Variants in RAB22A observed in about 807,000 individuals in gnomAD.
The protein encoded by RAB22A is ras-related protein Rab-22A.
RAB22A carries 13 observed loss-of-function variants against 30.2 expected under a neutral mutation model. That is an observed-to-expected ratio of 0.43 (90% CI 0.28 to 0.68). RAB22A has a LOEUF of 0.68. Among genes scored for constraint, RAB22A ranks in the 30% least tolerant of loss-of-function variants. The pLI, the probability that RAB22A is intolerant of heterozygous loss-of-function variation, is 0.18. For missense variants in RAB22A, 177 were observed against 246.8 expected, an observed-to-expected ratio of 0.72 and a Z score of 1.89; for synonymous variants, 89 against 87.2, an observed-to-expected ratio of 1.02 and a Z score of -0.11.
intron 6 of RAB22A, among the ~76,000 whole-genome samples, chr20:58,356,307 A>C (rs1374995692): frequency 6.8e-6 from 1 of 147,758 alleles, no homozygotes. Flanking sequence ...GCAAGACTCC[A>C]TCTCAAAAAA....
chr20:58,318,309 G>A (rs1236741948), intron 2 of RAB22A, among the ~76,000 whole-genome samples: 1 of 152,184 alleles, frequency 6.6e-6, no homozygotes, highest in Non-Finnish European at 1.5e-5. Flanking sequence ...ATTCCCTGGA[G>A]GCTTACTGTT....
At position 58,311,030 on chromosome 20, in the gene RAB22A, C is replaced by G; in HGVS notation, c.37-13C>G. ...TAAACTTTTTCTCAGTCCCTCATCT[C>G]GTTCTCTTTCAGGATACAGGTGTAG... On this transcript the variant is annotated splice_polypyrimidine_tract_variant and intron_variant, in intron 1 of 6. Transcript: ENST00000244040. 1.3e-6 allele frequency: 2 copies of G among 1,583,338 alleles called. No individual in the cohort carries two copies. Among genetic ancestry groups the G allele is most frequent in the Non-Finnish European group, 1.7e-6 (2 of 1,152,054 alleles).
chr20:58,313,604 A>G (rs62205881), intron 2 of RAB22A, among the ~76,000 whole-genome samples: 2,983 of 152,234 alleles, frequency 0.02, 50 homozygotes, highest in South Asian at 0.04. Context: ...CCGTCATCTC[A>G]GCTCCTCCCT....
At chr20:58,323,668 C>G (rs996690572) in intron 2 of RAB22A, among the ~76,000 whole-genome samples, 1 of 143,686 alleles carries the variant, frequency 7.0e-6, no homozygotes, top group African/African-American at 2.6e-5. Flanking sequence ...CATGGTGTCA[C>G]TATGTTGTTC....
rs577998766 is a variant in RAB22A, at chr20:58,336,538, A to G, written c.117-7180A>G. Among the ~76,000 whole-genome samples, 18 of 152,342 alleles carry G rather than the reference A, an allele frequency of 1.2e-4. No individual in the cohort carries two copies. The South Asian group carries it at 2.9e-3, about 25-fold the overall frequency. On this transcript the variant is annotated intron_variant, in intron 2 of 6. Coordinates refer to ENST00000244040, the MANE Select transcript of RAB22A (RefSeq NM_020673.3). ...TATTTTATTGTCTCTTGGGAAAAAT[A>G]AAACTAGTTCATGAAACTGGTAGGT...
In RAB22A at chr20:58,309,957, G is replaced by A; in HGVS notation, c.-20G>A. ...CTCAACTTAGGGCGGCGGCGGGCCC[G>A]CGCCCCTGGCTCCCGGGCCATGGCG... On this transcript the variant is annotated 5_prime_UTR_variant, in exon 1 of 7. Coordinates refer to ENST00000244040, the MANE Select transcript of RAB22A (RefSeq NM_020673.3). 1 of 1,264,744 alleles carries A rather than the reference G, an allele frequency of 7.9e-7. No homozygotes were observed. Among genetic ancestry groups the A allele is most frequent in the East Asian group, 3.1e-5 (1 of 31,926 alleles). 78.3% of individuals were successfully genotyped at this position (1,264,744 alleles called of 1,614,324 possible).
At chr20:58,317,253 C>G (rs142450787) in intron 2 of RAB22A, among the ~76,000 whole-genome samples, 1 of 152,020 alleles carries the variant, frequency 6.6e-6, no homozygotes, top group Non-Finnish European at 1.5e-5. Context: ...CCCACCACCA[C>G]GTCCAGCTAA....
chr20:58,316,994 T>C (rs1200547204), intron 2 of RAB22A, among the ~76,000 whole-genome samples: 1 of 152,220 alleles, frequency 6.6e-6, no homozygotes, highest in Non-Finnish European at 1.5e-5. Context: ...TTATATGACT[T>C]CTAGGGCTTC....
chr20:58,336,389 G>C (rs1986754916), intron 2 of RAB22A, among the ~76,000 whole-genome samples: 1 of 152,028 alleles, frequency 6.6e-6, no homozygotes, highest in African/African-American at 2.4e-5. Context: ...CGTCTTGTCT[G>C]TGCCCTCACA....
chr20:58,346,509 C>G (rs150829918), intron 3 of RAB22A, among the ~76,000 whole-genome samples: 129 of 152,358 alleles, frequency 8.5e-4, no homozygotes, highest in African/African-American at 3.0e-3. Flanking sequence ...TGGCTCCTTT[C>G]CCGTCTTTTA....
At chr20:58,335,345 A>C (rs1986729828) in intron 2 of RAB22A, among the ~76,000 whole-genome samples, 1 of 152,140 alleles carries the variant, frequency 6.6e-6, no homozygotes, top group African/African-American at 2.4e-5. Context: ...ACCAATTAAA[A>C]ATTCTCCAAG....
chr20:58,340,630 A>G lies in RAB22A; in HGVS notation c.117-3088A>G, dbSNP rs112126306. ...GAAGATACCCCTATTACAGAGGAAG[A>G]GTTACAGCGAGGCCCCTACACTCAA... On this transcript the variant is annotated intron_variant, in intron 2 of 6. Coordinates refer to ENST00000244040, the MANE Select transcript of RAB22A (RefSeq NM_020673.3). Among the ~76,000 whole-genome samples, 1,301 of 152,264 alleles carry G rather than the reference A, an allele frequency of 8.5e-3. 8 individuals carry two copies. The highest frequency in any genetic ancestry group is 0.012 in the Non-Finnish European group (838 of 68,018).
chr20:58,319,551 A>G (rs1003183226), intron 2 of RAB22A, among the ~76,000 whole-genome samples: 2 of 152,130 alleles, frequency 1.3e-5, no homozygotes, highest in Admixed American at 6.5e-5. Flanking sequence ...TTGCATTTCT[A>G]TATAAATTTT....
intron 1 of RAB22A, 38 bp downstream of exon 1, chr20:58,310,050 G>T (rs1986189592): frequency 7.9e-7 from 1 of 1,260,224 alleles, no homozygotes; most frequent in East Asian, 3.1e-5. Context: ...GGCCACGGGA[G>T]GCTGGGCTGG....
At chr20:58,312,541 T>C (rs1450935748) in intron 2 of RAB22A, among the ~76,000 whole-genome samples, 1 of 120,918 alleles carries the variant, frequency 8.3e-6, no homozygotes, top group Non-Finnish European at 1.6e-5. Flanking sequence ...CAGGCTGGAG[T>C]GCAGTGGCGC....
chr20:58,350,056 G>A (rs1432157055), intron 3 of RAB22A, among the ~76,000 whole-genome samples: 1 of 152,040 alleles, frequency 6.6e-6, no homozygotes, highest in African/African-American at 2.4e-5. Flanking sequence ...GAGTCGAGGA[G>A]TTCCAAACCA....
In RAB22A at chr20:58,364,069, T is replaced by G. The variant is rs1214530520; in HGVS notation, c.*4366T>G. ...GGAATTCTGGGGCATTTGTCCTGTT[T>G]TATGTGCAAATGAAAGTCTAAAAAA... On this transcript the variant is annotated 3_prime_UTR_variant, in exon 7 of 7. Transcript: ENST00000244040. The G allele has an allele frequency of 3.3e-5, 5 of 152,668 alleles. No individual in the cohort carries two copies. In the East Asian group the frequency reaches 9.6e-4, roughly 29 times the overall value. 9.5% of individuals were successfully genotyped at this position (152,668 alleles called of 1,614,324 possible).
chr20:58,339,844 A>G (rs1050636451), intron 2 of RAB22A, among the ~76,000 whole-genome samples: 1 of 152,102 alleles, frequency 6.6e-6, no homozygotes, highest in Non-Finnish European at 1.5e-5. Context: ...GCTGTTCTCA[A>G]CAGGTGAAGA....
intron 2 of RAB22A, among the ~76,000 whole-genome samples, chr20:58,340,705 A>G (rs1986840522): frequency 6.6e-6 from 1 of 152,204 alleles, no homozygotes; most frequent in South Asian, 2.1e-4. Flanking sequence ...GGCAAACTTT[A>G]AAAAGAAAAA....
Sources: gnomAD v4.1 joint callset for allele counts (sites outside exome capture counted in the v4.1 genomes callset) on GRCh38, gnomAD v4.1.1 for gene constraint, MANE v1.5 for transcripts, NCBI Gene and HGNC (gene_info 2026-07-23, HGNC 2026-07-21) for gene names.